PTPN2: variants seen among roughly 807,000 people sequenced by gnomAD.
The protein encoded by PTPN2 is protein tyrosine phosphatase non-receptor type 2, also known as tyrosine-protein phosphatase non-receptor type 2.
PTPN2 carries 19 observed loss-of-function variants against 57.3 expected under a neutral mutation model. The ratio of observed to expected loss-of-function variants is 0.33; its 90% confidence interval spans 0.23 to 0.49. PTPN2 has a LOEUF of 0.49. PTPN2 is among the 20% of genes least tolerant of loss of function. The pLI is 0.99. For synonymous variants in PTPN2, 153 were observed against 164.9 expected (o/e 0.93, Z 0.55); for missense variants, 358 against 501.1 (o/e 0.71, Z 2.73).
intron 2 of PTPN2, among the ~76,000 whole-genome samples, chr18:12,851,152 G>A (rs2043380880): frequency 6.6e-6 from 1 of 151,930 alleles, no homozygotes; most frequent in African/African-American, 2.4e-5. Context: ...TGGATATAGG[G>A]TTCTATGTAT....
chr18:12,851,198 G>GTCTTATTAAGAA (rs1199565686), intron 2 of PTPN2, among the ~76,000 whole-genome samples: 9 of 9,558 alleles, frequency 9.4e-4, no homozygotes, highest in South Asian at 0.012. Flanking sequence ...ATATTATATA[G>GTCTTATTAAGAA]GCCGGGCGCG....
chr18:12,789,698 C>T (rs1022700363), downstream of PTPN2, among the ~76,000 whole-genome samples: 2 of 152,092 alleles, frequency 1.3e-5, no homozygotes, highest in Non-Finnish European at 2.9e-5. Flanking sequence ...AACAGATAAA[C>T]CAATGTTTAT....
At chr18:12,853,582 AC>A (rs1254480289) in intron 2 of PTPN2, among the ~76,000 whole-genome samples, 9 of 152,134 alleles carry the variant, frequency 5.9e-5, no homozygotes, top group African/African-American at 1.9e-4. Context: ...TGAGAATACC[AC>A]TCACGGGAAA....
At chr18:12,811,347 T>A in intron 7 of PTPN2, among the ~76,000 whole-genome samples, 1 of 152,168 alleles carries the variant, frequency 6.6e-6, no homozygotes, top group Non-Finnish European at 1.5e-5. Context: ...CCTAGTTATG[T>A]AACTTGGCCT....
chr18:12,882,655 T>C (rs954437270), intron 1 of PTPN2, among the ~76,000 whole-genome samples: 4 of 152,256 alleles, frequency 2.6e-5, no homozygotes, highest in Non-Finnish European at 4.4e-5. Context: ...AGATTGTCTA[T>C]AATTGGAAGA....
chr18:12,794,656 C>T (rs1459769741), intron 8 of PTPN2, among the ~76,000 whole-genome samples, 171 bp from the exon 9 acceptor site: 1 of 152,202 alleles, frequency 6.6e-6, no homozygotes, highest in African/African-American at 2.4e-5. Flanking sequence ...GCGTCTTGCT[C>T]TGTCACCCAG....
intron 9 of PTPN2, chr18:12,786,874 T>G (rs1323814979): frequency 6.6e-6 from 1 of 152,146 alleles, no homozygotes; most frequent in Non-Finnish European, 1.5e-5. Context: ...TGTCAAGTCA[T>G]CAAGAAAACA....
chr18:12,840,784 C>G, intron 2 of PTPN2: 1 of 1,598,484 alleles, frequency 6.3e-7, no homozygotes, highest in African/African-American at 1.3e-5. Flanking sequence ...CCTTTCCATA[C>G]ATCCTAAATT....
chr18:12,819,237 G>T, intron 5 of PTPN2: 1 of 1,452,916 alleles, frequency 6.9e-7, no homozygotes, highest in Non-Finnish European at 9.1e-7. Context: ...TTAACATCCA[G>T]CATTAATAAT....
At chr18:12,791,431 G>A (rs1291805899), downstream of PTPN2, among the ~76,000 whole-genome samples, 3 of 152,016 alleles carry the variant, frequency 2.0e-5, no homozygotes, top group Non-Finnish European at 4.4e-5. Flanking sequence ...AGGACCTAAG[G>A]ATACAACAAG....
chr18:12,786,026 G>C, intron 9 of PTPN2: 1 of 575,500 alleles, frequency 1.7e-6, no homozygotes, highest in Non-Finnish European at 3.0e-6. Flanking sequence ...AAACGGCTGG[G>C]GTGCTGGATT....
At chr18:12,853,777 G>C (rs2043477002) in intron 2 of PTPN2, among the ~76,000 whole-genome samples, 1 of 152,152 alleles carries the variant, frequency 6.6e-6, no homozygotes, top group Admixed American at 6.5e-5. Context: ...TAGGAAAATG[G>C]GTAGAAAAGA....
At chr18:12,788,131 G>A (rs568487297), downstream of PTPN2, 3 of 154,884 alleles carry the variant, frequency 1.9e-5, no homozygotes, top group African/African-American at 4.8e-5. Context: ...GAAATTTGAT[G>A]TATCAAGAGC....
At chr18:12,814,096 T>G in intron 7 of PTPN2, 107 bp downstream of exon 7, 2 of 940,922 alleles carry the variant, frequency 2.1e-6, no homozygotes, top group Non-Finnish European at 3.1e-6. Context: ...CCACAAAAAT[T>G]CAAATACACT....
chr18:12,797,890 C>T (rs1469150214), intron 8 of PTPN2, among the ~76,000 whole-genome samples: 3 of 151,978 alleles, frequency 2.0e-5, no homozygotes, highest in East Asian at 1.9e-4. Flanking sequence ...CCACATTTGG[C>T]GGATTTTTGT....
chr18:12,862,704 G>A (rs2043856575), intron 1 of PTPN2: 1 of 152,214 alleles, frequency 6.6e-6, no homozygotes, highest in African/African-American at 2.4e-5. Context: ...GGTGGGAACA[G>A]GCAGGAGCCA....
rs1204334659 is a variant in PTPN2, at chr18:12,870,355, A to G, written c.70-11101T>C. ...TGTATATATATACATATATATGTGT[A>G]TATATATGTGTATATATACATATAT... On this transcript the variant is annotated intron_variant, in intron 1 of 8. Transcript: ENST00000309660. Among the ~76,000 whole-genome samples, 6 of 48,424 alleles carry G rather than the reference A, an allele frequency of 1.2e-4. No individual in the cohort carries two copies. The East Asian group carries it at 5.5e-3, about 44-fold the overall frequency. The allele number at this position is 48,424 out of a possible 152,430, so 31.8% of individuals were successfully genotyped here.
chr18:12,868,904 CTT>C (rs1425312601), intron 1 of PTPN2: 1 of 152,118 alleles, frequency 6.6e-6, no homozygotes, highest in Admixed American at 6.5e-5. Context: ...AATCCCAACA[CTT>C]TGCGGGGCCC....
intron 2 of PTPN2, among the ~76,000 whole-genome samples, chr18:12,838,696 T>C (rs1017662945): frequency 2.6e-5 from 4 of 152,226 alleles, no homozygotes; most frequent in Non-Finnish European, 4.4e-5. Flanking sequence ...GGAAAATTTT[T>C]TTTTATTTTG....
Sources: allele counts gnomAD v4.1 joint callset (sites outside exome capture counted in the v4.1 genomes callset), GRCh38; gene constraint gnomAD v4.1.1; transcripts MANE v1.5; gene names NCBI Gene and HGNC (gene_info 2026-07-23, HGNC 2026-07-21).